The following RAPGEF5 variants were observed in gnomAD, a reference collection of about 807,000 sequenced individuals.
RAPGEF5 encodes Rap guanine nucleotide exchange factor 5, also known as M-Ras-regulated GEF.
RAPGEF5 carries 65 observed loss-of-function variants against 125.2 expected under a neutral mutation model. The observed-to-expected ratio is 0.52, with a 90% CI of 0.43 to 0.64. RAPGEF5 has a LOEUF of 0.64. Among genes scored for constraint, RAPGEF5 ranks in the 30% least tolerant of loss-of-function variants. The pLI, the probability that RAPGEF5 is intolerant of heterozygous loss-of-function variation, is 0.00. For synonymous variants in RAPGEF5, 391 were observed against 385.9 expected (o/e 1.01, Z -0.16); for missense variants, 958 against 1,048.1 (o/e 0.91, Z 1.19).
At chr7:22,129,356 C>T (rs1782844238) in intron 24 of RAPGEF5, among the ~76,000 whole-genome samples, 1 of 152,192 alleles carries the variant, frequency 6.6e-6, no homozygotes, top group Admixed American at 6.5e-5. Context: ...ATTACTAGGC[C>T]TTTCCAGGGA....
intron 20 of RAPGEF5, among the ~76,000 whole-genome samples, chr7:22,140,443 A>T (rs1186417823): frequency 6.6e-6 from 1 of 151,628 alleles, no homozygotes; most frequent in East Asian, 1.9e-4. Flanking sequence ...TATACGCCCC[A>T]CTCTCCTTTT....
intron 20 of RAPGEF5, among the ~76,000 whole-genome samples, chr7:22,143,397 ACT>A (rs1301047094): frequency 6.6e-6 from 1 of 151,888 alleles, no homozygotes; most frequent in African/African-American, 2.4e-5. Context: ...CTGAAGGATA[ACT>A]CTGATCATGT....
intron 9 of RAPGEF5, among the ~76,000 whole-genome samples, chr7:22,207,039 C>T (rs1785413639): frequency 1.3e-5 from 2 of 152,126 alleles, no homozygotes; most frequent in South Asian, 4.2e-4. Flanking sequence ...AAATATTCAA[C>T]TACACTAGAG....
intron 1 of RAPGEF5, among the ~76,000 whole-genome samples, chr7:22,354,401 C>T (rs929034405): frequency 2.0e-5 from 3 of 152,158 alleles, no homozygotes; most frequent in African/African-American, 7.2e-5. Flanking sequence ...ACAAAAAGAT[C>T]CAAGCCATGA....
intron 11 of RAPGEF5, among the ~76,000 whole-genome samples, chr7:22,177,446 T>C (rs1435760213): frequency 1.3e-5 from 2 of 152,230 alleles, no homozygotes; most frequent in African/African-American, 4.8e-5. Context: ...TTGAACCATA[T>C]CTATCTGGCC....
At chr7:22,203,714 C>A (rs575223442) in intron 9 of RAPGEF5, among the ~76,000 whole-genome samples, 1 of 152,264 alleles carries the variant, frequency 6.6e-6, no homozygotes, top group South Asian at 2.1e-4. Flanking sequence ...TAGGAAACCA[C>A]TGAGATTTTT....
At chr7:22,263,575 C>A (rs1216103958) in intron 7 of RAPGEF5, among the ~76,000 whole-genome samples, 1 of 151,484 alleles carries the variant, frequency 6.6e-6, no homozygotes, top group Non-Finnish European at 1.5e-5. Flanking sequence ...ACTAAAAATA[C>A]AAAAATTAGC....
intron 1 of RAPGEF5, among the ~76,000 whole-genome samples, chr7:22,350,911 G>T (rs79756138): frequency 0.083 from 12,570 of 152,204 alleles, 707 homozygotes; most frequent in Admixed American, 0.12. Flanking sequence ...CAGAGGCAGT[G>T]AAGTCAATAT....
intron 11 of RAPGEF5, among the ~76,000 whole-genome samples, chr7:22,173,702 C>T (rs1363125372): frequency 6.6e-6 from 1 of 152,154 alleles, no homozygotes. Context: ...TAATTCTATA[C>T]ACTGCCTTTT....
rs997436769 is a variant in RAPGEF5, at chr7:22,277,599, T to C, written c.748-10587A>G. ...AGGGGAGCATGTTCTTCCATGCTCA[T>C]GCAGGTCATTGACAGAATCCAGTTC... On this transcript the variant is annotated intron_variant, in intron 6 of 25. Coordinates refer to ENST00000665637, the MANE Select transcript of RAPGEF5 (RefSeq NM_012294.5). Among the ~76,000 whole-genome samples the C allele has an allele frequency of 2.0e-5, 3 of 152,282 alleles. No individual in the cohort carries two copies. In the South Asian group the frequency reaches 6.2e-4, roughly 32 times the overall value.
intron 14 of RAPGEF5, among the ~76,000 whole-genome samples, chr7:22,158,607 A>C (rs1783886931): frequency 6.6e-6 from 1 of 152,182 alleles, no homozygotes; most frequent in Non-Finnish European, 1.5e-5. Flanking sequence ...GCTATTTCAT[A>C]ATCTTATAAA....
intron 7 of RAPGEF5, among the ~76,000 whole-genome samples, chr7:22,246,639 G>A (rs1786484400): frequency 6.6e-6 from 1 of 152,032 alleles, no homozygotes; most frequent in African/African-American, 2.4e-5. Context: ...GAAAACCTGG[G>A]AAGCACCATT....
chr7:22,294,285 C>T (rs1337993473), intron 5 of RAPGEF5, among the ~76,000 whole-genome samples: 1 of 152,120 alleles, frequency 6.6e-6, no homozygotes, highest in African/African-American at 2.4e-5. Flanking sequence ...AAGATCCCTC[C>T]CTGAGGGTTT....
intron 9 of RAPGEF5, among the ~76,000 whole-genome samples, chr7:22,213,246 A>C (rs1785551634): frequency 6.6e-6 from 1 of 152,246 alleles, no homozygotes; most frequent in African/African-American, 2.4e-5. Flanking sequence ...GCAGGAGCAC[A>C]CCACTGACTT....
rs1444880949 is a variant in RAPGEF5 at position 22,145,075 on chromosome 7, G to C, written c.2155C>G (p.Leu719Val). Residue 719 changes from leucine to valine, a missense_variant, in exon 20 of 26, where the codon CTG becomes GTG. Transcript: ENST00000665637. Reference sequence around the variant, plus strand: ...GCAATTTTGATGAATTTTTTCACCAGCTGCACTCGCTTGCCCAGCTGGCTG... The same window carrying C: ...GCAATTTTGATGAATTTTTTCACCACCTGCACTCGCTTGCCCAGCTGGCTG... Reference protein sequence around the residue: ...LCSQLGKRVQLVKKFIKIAAH... With the variant: ...LCSQLGKRVQVVKKFIKIAAH... 9 of 1,613,596 alleles carry C rather than the reference G, an allele frequency of 5.6e-6. No individual in the cohort carries two copies. Among genetic ancestry groups the C allele is most frequent in the Non-Finnish European group, 7.6e-6 (9 of 1,179,696 alleles).
chr7:22,248,280 C>A (rs1473793525), intron 7 of RAPGEF5, among the ~76,000 whole-genome samples: 1 of 152,132 alleles, frequency 6.6e-6, no homozygotes, highest in African/African-American at 2.4e-5. Flanking sequence ...ACAAGGCTAA[C>A]CACGAAATTA....
chr7:22,208,235 T>A (rs1177930238), intron 9 of RAPGEF5, among the ~76,000 whole-genome samples: 1 of 152,194 alleles, frequency 6.6e-6, no homozygotes, highest in Non-Finnish European at 1.5e-5. Flanking sequence ...AAGAATAAAT[T>A]AATCTTAGCC....
In RAPGEF5 at chr7:22,219,973, G is replaced by C; in HGVS notation, c.889C>G (p.Leu297Val). Residue 297 changes from leucine (L) to valine (V), a missense_variant, in exon 9 of 26, where the codon CTC becomes GTC. Leu to Val is a conservative substitution (Grantham distance 32). Transcript: ENST00000665637. ...PDSQAGVMCK[L>V]QERDEIGRIE... ...CGTCCGATTTCATCTCTTTCCTGGA[G>C]CTTGCACATCACCCCTGCCTTAAGA... 1.2e-6 allele frequency: 2 copies of C among 1,613,466 alleles called. No homozygotes were observed. Among genetic ancestry groups the C allele is most frequent in the Non-Finnish European group, 1.7e-6 (2 of 1,179,638 alleles).
intron 20 of RAPGEF5, among the ~76,000 whole-genome samples, chr7:22,142,161 A>AC (rs1045794948): frequency 6.6e-6 from 1 of 152,092 alleles, no homozygotes; most frequent in African/African-American, 2.4e-5. Context: ...AGTCTCTCTT[A>AC]CCCCTGGGTC....
Sources: allele counts gnomAD v4.1 joint callset (sites outside exome capture counted in the v4.1 genomes callset), GRCh38; gene constraint gnomAD v4.1.1; transcripts MANE v1.5; gene names NCBI Gene and HGNC (gene_info 2026-07-23, HGNC 2026-07-21).